The following RGMA variants were observed in gnomAD, a reference collection of about 807,000 sequenced individuals.
The protein encoded by RGMA is repulsive guidance molecule A.
Under a neutral mutation model 23.2 loss-of-function variants are expected in RGMA, and 10 were observed. The ratio of observed to expected loss-of-function variants is 0.43; its 90% confidence interval spans 0.27 to 0.73. The LOEUF (loss-of-function observed/expected upper bound fraction) is 0.73. Ranked by LOEUF, RGMA falls within the 30% of genes least tolerant of loss-of-function variation. The probability of loss-of-function intolerance (pLI) is 0.20; values close to 1 mark genes in which losing one functional copy is unlikely to be tolerated. For missense variants in RGMA, 547 were observed against 630.5 expected, an observed-to-expected ratio of 0.87 and a Z score of 1.42; for synonymous variants, 308 against 279.3, an observed-to-expected ratio of 1.10 and a Z score of -1.03.
At chr15:93,071,800 C>G (rs1895332903) in intron 2 of RGMA, among the ~76,000 whole-genome samples, 1 of 152,242 alleles carries the variant, frequency 6.6e-6, no homozygotes, top group Non-Finnish European at 1.5e-5. Flanking sequence ...TCTTGCAAAG[C>G]TCAGTAGTGC....
chr15:93,066,199 T>G (rs1895143500), intron 2 of RGMA: 1 of 1,423,174 alleles, frequency 7.0e-7, no homozygotes, highest in South Asian at 1.2e-5. Context: ...GACATCAAAT[T>G]CCACAGTCTC....
chr15:93,073,503 C>T (rs938114961), intron 1 of RGMA: 2 of 1,340,394 alleles, frequency 1.5e-6, no homozygotes, highest in South Asian at 2.9e-5. Context: ...CCCCTTAATC[C>T]CCTCCACGAA....
intron 1 of RGMA, 85 bp from the exon 2 acceptor site, chr15:93,073,116 G>GC: frequency 7.3e-7 from 1 of 1,374,430 alleles, no homozygotes. Context: ...GGAGCAGCGA[G>GC]CCGGGAGGCT....
chr15:93,052,592 C>T (rs1302699541), intron 2 of RGMA, 85 bp from the exon 3 acceptor site: 1 of 1,381,986 alleles, frequency 7.2e-7, no homozygotes, highest in Middle Eastern at 1.9e-4. Context: ...GGGGAGCAGC[C>T]ACACATCGCC....
chr15:93,066,851 GTGCA>G, intron 2 of RGMA, among the ~76,000 whole-genome samples: 1 of 152,306 alleles, frequency 6.6e-6, no homozygotes, highest in Non-Finnish European at 1.5e-5. Context: ...TCCAAAATCT[GTGCA>G]TGGGCTCAGG....
chr15:93,055,860 C>T (rs1484522692), intron 2 of RGMA, among the ~76,000 whole-genome samples: 2 of 152,216 alleles, frequency 1.3e-5, no homozygotes, highest in Non-Finnish European at 2.9e-5. Context: ...AGTGGACTGG[C>T]TTCGTGATCG....
In RGMA at chr15:93,079,667, A is replaced by G. The variant is rs1251181992; in HGVS notation, c.15-6636T>C. Among the ~76,000 whole-genome samples, 3 of 152,196 alleles carry G rather than the reference A, an allele frequency of 2.0e-5. No homozygotes were observed. In the East Asian group the frequency reaches 5.8e-4, roughly 29 times the overall value. On this transcript the variant is annotated intron_variant, in intron 1 of 3. Coordinates refer to ENST00000329082, the MANE Select transcript of RGMA (RefSeq NM_020211.3). Reference sequence around the variant, plus strand: ...AAACCCCATTTTTACTAAAAATACAATAATTAGCCAGGCATGGCAGTGGGC... The same window carrying G: ...AAACCCCATTTTTACTAAAAATACAGTAATTAGCCAGGCATGGCAGTGGGC...
intron 1 of RGMA, among the ~76,000 whole-genome samples, chr15:93,082,816 G>A (rs888915096): frequency 2.6e-5 from 4 of 152,208 alleles, no homozygotes; most frequent in African/African-American, 7.2e-5. Context: ...TGTAGATCAC[G>A]TATTCATAGA....
rs2054679204 is a variant in RGMA at position 93,038,033 on chromosome 15, C to T, written c.*6965G>A. The T allele has an allele frequency of 6.6e-6, 1 of 152,196 alleles. No homozygotes were observed. The highest frequency in any genetic ancestry group is 1.5e-5 in the Non-Finnish European group (1 of 68,054). The allele number at this position is 152,196 out of a possible 1,614,324, so 9.4% of individuals were successfully genotyped here. A position where few individuals can be genotyped will look rare whatever the true frequency, so the allele number is the denominator to read the frequency against. ...AGAGTGTTAGTTTCTGTTCCTTTGC[C>T]TTCAGGGTTCTGCTACTAACACCAT... On this transcript the variant is annotated 3_prime_UTR_variant, in exon 4 of 4. Coordinates refer to ENST00000329082, the MANE Select transcript of RGMA (RefSeq NM_020211.3).
At chr15:93,074,007 C>A in intron 1 of RGMA, 1 of 1,381,224 alleles carries the variant, frequency 7.2e-7, no homozygotes, top group Non-Finnish European at 9.3e-7. Flanking sequence ...CTAACTCTGT[C>A]GCTTATTTTT....
At chr15:93,050,343 C>T (rs114398654) in intron 3 of RGMA, among the ~76,000 whole-genome samples, 1 of 152,180 alleles carries the variant, frequency 6.6e-6, no homozygotes, top group African/African-American at 2.4e-5. Context: ...AGCCAGCCAC[C>T]GACGTTCTCA....
At chr15:93,077,285 T>A (rs971881193) in intron 1 of RGMA, among the ~76,000 whole-genome samples, 5 of 152,158 alleles carry the variant, frequency 3.3e-5, no homozygotes, top group Non-Finnish European at 7.4e-5. Context: ...GTAAAAAGAT[T>A]AGAGTTGCCC....
chr15:93,088,290 A>T (rs1895674121), intron 1 of RGMA: 3 of 982,312 alleles, frequency 3.1e-6, no homozygotes, highest in Non-Finnish European at 3.6e-6. Flanking sequence ...CCCTGGGTTG[A>T]GCTGCGGCGC....
intron 2 of RGMA, chr15:93,066,488 C>A: frequency 2.2e-6 from 1 of 457,618 alleles, no homozygotes; most frequent in South Asian, 1.8e-5. Context: ...AAGGGGGTCC[C>A]ATCCCAGCAG....
intron 2 of RGMA, among the ~76,000 whole-genome samples, chr15:93,064,752 A>G (rs577159940): frequency 2.2e-3 from 330 of 152,324 alleles, no homozygotes; most frequent in Non-Finnish European, 3.3e-3. Flanking sequence ...ACTTGGGAAC[A>G]TGTGCACAAT....
intron 1 of RGMA, among the ~76,000 whole-genome samples, chr15:93,074,762 C>T (rs1027206050): frequency 6.6e-6 from 1 of 152,232 alleles, no homozygotes; most frequent in Admixed American, 6.5e-5. Context: ...TCTGCAGCAT[C>T]ACCGAACGGC....
chr15:93,083,453 G>A (rs752760199), intron 1 of RGMA, among the ~76,000 whole-genome samples: 1 of 151,970 alleles, frequency 6.6e-6, no homozygotes, highest in Middle Eastern at 3.2e-3. Flanking sequence ...TCAGCCCCTC[G>A]AGCAGCTGGG....
At chr15:93,060,682 G>A (rs1260856782) in intron 2 of RGMA, among the ~76,000 whole-genome samples, 3 of 152,232 alleles carry the variant, frequency 2.0e-5, no homozygotes, top group African/African-American at 7.2e-5. Flanking sequence ...CAATCACTTT[G>A]TGACCAAAAA....
At chr15:93,065,529 G>T (rs1895113836) in intron 2 of RGMA, 4 of 646,688 alleles carry the variant, frequency 6.2e-6, no homozygotes. Flanking sequence ...GTACAGGTCA[G>T]TTGGAAAAAC....
Sources: gnomAD v4.1 joint callset for allele counts (sites outside exome capture counted in the v4.1 genomes callset) on GRCh38, gnomAD v4.1.1 for gene constraint, MANE v1.5 for transcripts, NCBI Gene and HGNC (gene_info 2026-07-23, HGNC 2026-07-21) for gene names.